The following SLC8A1 variants were observed in gnomAD, a reference collection of about 807,000 sequenced individuals.
The protein encoded by SLC8A1 is solute carrier family 8 member A1, also known as sodium/calcium exchanger 1.
SLC8A1 carries 18 observed loss-of-function variants against 68.3 expected under a neutral mutation model. That is an observed-to-expected ratio of 0.26 (90% confidence interval 0.18 to 0.39). The LOEUF is 0.39. Ranked by LOEUF, SLC8A1 falls within the 10% of genes least tolerant of loss-of-function variation. The pLI is 1.00. For missense variants in SLC8A1, 985 were observed against 1,156.7 expected (o/e 0.85, Z 2.15); for synonymous variants, 475 against 415.5 (o/e 1.14, Z -1.74).
At chr2:40,337,454 T>A (rs1459760461) in intron 2 of SLC8A1, 5 of 228,440 alleles carry the variant, frequency 2.2e-5, no homozygotes, top group Non-Finnish European at 3.9e-5. Context: ...ATGAAGGAAG[T>A]CAGGTAAAAA....
intron 2 of SLC8A1, among the ~76,000 whole-genome samples, chr2:40,287,468 G>A (rs950419444): frequency 6.6e-6 from 1 of 151,992 alleles, no homozygotes; most frequent in Non-Finnish European, 1.5e-5. Context: ...AACTCATGAT[G>A]TTCTATTGTT....
intron 2 of SLC8A1, among the ~76,000 whole-genome samples, chr2:40,418,033 C>A (rs1372106988): frequency 1.3e-5 from 2 of 151,790 alleles, no homozygotes; most frequent in Non-Finnish European, 2.9e-5. Context: ...AAAACCAGGT[C>A]GATTTAAAAG....
intron 2 of SLC8A1, among the ~76,000 whole-genome samples, chr2:40,410,811 C>T (rs938908547): frequency 2.0e-5 from 3 of 151,964 alleles, no homozygotes; most frequent in Non-Finnish European, 4.4e-5. Context: ...TTTCACATAC[C>T]TTATCTTGTG....
intron 2 of SLC8A1, among the ~76,000 whole-genome samples, chr2:40,259,585 TCCTCTGG>T (rs1250246081): frequency 6.6e-6 from 1 of 152,082 alleles, no homozygotes; most frequent in East Asian, 1.9e-4. Context: ...GCTCGAATAA[TCCTCTGG>T]CCTCAGCTAG....
chr2:40,341,430 A>G (rs1667656136), intron 2 of SLC8A1, among the ~76,000 whole-genome samples: 1 of 152,218 alleles, frequency 6.6e-6, no homozygotes, highest in Admixed American at 6.5e-5. Context: ...TGGAGTCTAA[A>G]TCAAGTAAAT....
At chr2:40,377,362 G>C (rs994707935) in intron 2 of SLC8A1, among the ~76,000 whole-genome samples, 2 of 152,080 alleles carry the variant, frequency 1.3e-5, no homozygotes, top group Non-Finnish European at 2.9e-5. Flanking sequence ...TTGAGTGCAG[G>C]CTTGTGAGAC....
chr2:40,229,747 C>G (rs1411354994), intron 2 of SLC8A1, among the ~76,000 whole-genome samples: 1 of 152,138 alleles, frequency 6.6e-6, no homozygotes, highest in Non-Finnish European at 1.5e-5. Context: ...AGGCAAAATT[C>G]GTGTGCTGTA....
At chr2:40,200,111 T>G (rs528601638) in intron 2 of SLC8A1, among the ~76,000 whole-genome samples, 4 of 126,736 alleles carry the variant, frequency 3.2e-5, no homozygotes, top group East Asian at 4.8e-4. Context: ...AGGCATTCAC[T>G]AGCTGGCTTA....
At chr2:40,498,117 A>C (rs1254535818) in intron 1 of SLC8A1, among the ~76,000 whole-genome samples, 1 of 152,074 alleles carries the variant, frequency 6.6e-6, no homozygotes, top group Non-Finnish European at 1.5e-5. Flanking sequence ...AGTTAGATAA[A>C]TCAGAAAGGT....
At chr2:40,473,715 G>C (rs906035322) in intron 1 of SLC8A1, among the ~76,000 whole-genome samples, 2 of 152,160 alleles carry the variant, frequency 1.3e-5, no homozygotes, top group Non-Finnish European at 2.9e-5. Context: ...GTATTAATGA[G>C]ATGGGTAAGA....
At chr2:40,313,154 C>G (rs557187409) in intron 2 of SLC8A1, among the ~76,000 whole-genome samples, 10 of 152,104 alleles carry the variant, frequency 6.6e-5, no homozygotes, top group Admixed American at 5.9e-4. Flanking sequence ...GTATGAATCT[C>G]CAATAATTTT....
intron 2 of SLC8A1, among the ~76,000 whole-genome samples, chr2:40,241,462 C>G (rs1179312843): frequency 6.6e-6 from 1 of 152,176 alleles, no homozygotes; most frequent in Non-Finnish European, 1.5e-5. Flanking sequence ...CATGTACCCC[C>G]TCCGTCAAAA....
intron 2 of SLC8A1, among the ~76,000 whole-genome samples, chr2:40,218,617 G>GA (rs201946665): frequency 6.7e-6 from 1 of 150,318 alleles, no homozygotes; most frequent in African/African-American, 2.4e-5. Flanking sequence ...AAAGCAAAGG[G>GA]AAAAAAAAGG....
At chr2:40,295,412 AC>A (rs2070177197) in intron 2 of SLC8A1, among the ~76,000 whole-genome samples, 1 of 152,192 alleles carries the variant, frequency 6.6e-6, no homozygotes, top group African/African-American at 2.4e-5. Context: ...CAAAAAAGTA[AC>A]ATATTGAATG....
chr2:40,389,817 GATATATGAT>G (rs1263576338), intron 2 of SLC8A1, among the ~76,000 whole-genome samples: 6 of 147,410 alleles, frequency 4.1e-5, no homozygotes, highest in East Asian at 2.0e-4. Flanking sequence ...ATATATATAT[GATATATGAT>G]ATATATGATA....
chr2:40,412,502 C>T (rs536207341), intron 2 of SLC8A1, among the ~76,000 whole-genome samples: 6 of 152,086 alleles, frequency 3.9e-5, no homozygotes, highest in Admixed American at 6.6e-5. Context: ...TTGGAGTGGG[C>T]ATACGGTTTT....
intron 2 of SLC8A1, among the ~76,000 whole-genome samples, chr2:40,390,179 G>A (rs1684840877): frequency 6.6e-6 from 1 of 152,070 alleles, no homozygotes; most frequent in Non-Finnish European, 1.5e-5. Flanking sequence ...AACTGTAATT[G>A]TTTTAGAAGC....
chr2:40,118,091 G>T (rs974688589), intron 7 of SLC8A1, among the ~76,000 whole-genome samples: 1 of 152,152 alleles, frequency 6.6e-6, no homozygotes, highest in African/African-American at 2.4e-5. Flanking sequence ...TGCTACACAG[G>T]CAACGTGTGT....
chr2:40,490,096 C>A (rs1289414193), intron 1 of SLC8A1, among the ~76,000 whole-genome samples: 1 of 152,094 alleles, frequency 6.6e-6, no homozygotes. Flanking sequence ...GTAAGATTTT[C>A]TTCCACCATG....
Sources: gnomAD v4.1 joint callset for allele counts (sites outside exome capture counted in the v4.1 genomes callset) on GRCh38, gnomAD v4.1.1 for gene constraint, MANE v1.5 for transcripts, NCBI Gene and HGNC (gene_info 2026-07-23, HGNC 2026-07-21) for gene names.